The following PDK1 variants were observed in gnomAD, a reference collection of about 807,000 sequenced individuals.
The protein encoded by PDK1 is [Pyruvate dehydrogenase (acetyl-transferring)] kinase isozyme 1, mitochondrial.
In PDK1, 39 loss-of-function variants were observed where a neutral mutation model predicts 54.2. The observed-to-expected ratio is 0.72, with a 90% CI of 0.56 to 0.94. The LOEUF (loss-of-function observed/expected upper bound fraction) is 0.94. PDK1 is among the 40% of genes least tolerant of loss of function. The pLI is 0.00. For synonymous variants in PDK1, 221 were observed against 207.1 expected, an observed-to-expected ratio of 1.07 and a Z score of -0.58; for missense variants, 552 against 566.0, an observed-to-expected ratio of 0.98 and a Z score of 0.25.
chr2:172,619,110 G>C, the PDK1 span, among the ~76,000 whole-genome samples: 2 of 152,096 alleles, frequency 1.3e-5, no homozygotes, highest in African/African-American at 4.8e-5. Flanking sequence ...TTCACCACTT[G>C]TATGCTACCC....
At chr2:172,680,211 T>A in the PDK1 span, among the ~76,000 whole-genome samples, 1 of 152,346 alleles carries the variant, frequency 6.6e-6, no homozygotes, top group East Asian at 1.9e-4. Flanking sequence ...TGCCAGAATT[T>A]TTCCTGAATT....
At chr2:172,667,624 A>G in the PDK1 span, among the ~76,000 whole-genome samples, 1 of 152,208 alleles carries the variant, frequency 6.6e-6, no homozygotes, top group Non-Finnish European at 1.5e-5. Flanking sequence ...CGCAAATATT[A>G]CTGCAATGAC....
At chr2:172,621,676 T>A in the PDK1 span, among the ~76,000 whole-genome samples, 1 of 148,040 alleles carries the variant, frequency 6.8e-6, no homozygotes, top group African/African-American at 2.5e-5. Context: ...TGATATATGT[T>A]TATGTTTATA....
intron 10 of PDK1, among the ~76,000 whole-genome samples, chr2:172,594,037 C>CT (rs35036603): frequency 0.16 from 21,981 of 134,686 alleles, 1,927 homozygotes; most frequent in African/African-American, 0.2. Flanking sequence ...CAATGTTTTT[C>CT]TTTTTTTTTT....
chr2:172,692,268 G>T, the PDK1 span, among the ~76,000 whole-genome samples: 2 of 152,054 alleles, frequency 1.3e-5, no homozygotes, highest in African/African-American at 2.4e-5. Flanking sequence ...TATGTATTTT[G>T]GTATTGATGA....
chr2:172,701,330 T>C, the PDK1 span, among the ~76,000 whole-genome samples: 1 of 148,390 alleles, frequency 6.7e-6, no homozygotes, highest in African/African-American at 2.5e-5. Context: ...AAAACAACAA[T>C]AAGCTGAGCT....
chr2:172,705,200 G>C, the PDK1 span, among the ~76,000 whole-genome samples: 1 of 152,170 alleles, frequency 6.6e-6, no homozygotes, highest in Non-Finnish European at 1.5e-5. Flanking sequence ...TTTAATGCAA[G>C]TCTAACTGTA....
At chr2:172,583,450 C>T (rs1690034096) in intron 8 of PDK1, among the ~76,000 whole-genome samples, 3 of 151,708 alleles carry the variant, frequency 2.0e-5, no homozygotes, top group South Asian at 2.1e-4. Flanking sequence ...TGCACCATGA[C>T]GCCTGACTAA....
At chr2:172,679,117 C>T in the PDK1 span, 1 of 152,274 alleles carries the variant, frequency 6.6e-6, no homozygotes, top group African/African-American at 2.4e-5. Flanking sequence ...ACTTGATGCT[C>T]ATTAGTTTGA....
intron 8 of PDK1, among the ~76,000 whole-genome samples, chr2:172,579,197 A>C (rs1022483941): frequency 2.0e-5 from 3 of 152,044 alleles, no homozygotes; most frequent in Non-Finnish European, 4.4e-5. Flanking sequence ...GCAGCCCTCA[A>C]ATTAATCAGT....
At chr2:172,635,774 C>T in the PDK1 span, among the ~76,000 whole-genome samples, 1 of 152,216 alleles carries the variant, frequency 6.6e-6, no homozygotes, top group East Asian at 1.9e-4. Flanking sequence ...GCCAACTGCT[C>T]TCTTTAACCT....
At chr2:172,562,101 A>G (rs1280277046) in intron 2 of PDK1, 119 bp from the exon 3 acceptor site, 2 of 596,116 alleles carry the variant, frequency 3.4e-6, no homozygotes, top group Admixed American at 2.9e-5. Flanking sequence ...ACCATAATTT[A>G]TAGCAGTATT....
At chr2:172,614,446 G>A in the PDK1 span, among the ~76,000 whole-genome samples, 1 of 152,226 alleles carries the variant, frequency 6.6e-6, no homozygotes, top group East Asian at 1.9e-4. Context: ...CAGGGCAGAG[G>A]ATGACGGGAT....
the PDK1 span, among the ~76,000 whole-genome samples, chr2:172,659,730 C>A: frequency 0.62 from 93,710 of 152,068 alleles, 30,637 homozygotes; most frequent in Non-Finnish European, 0.74. Context: ...CTATTAGTTT[C>A]AAACAGGGCA....
the PDK1 span, among the ~76,000 whole-genome samples, chr2:172,663,925 T>A: frequency 3.0e-3 from 452 of 150,640 alleles, 12 homozygotes; most frequent in Admixed American, 0.028. Context: ...TTCAGCCTCC[T>A]AAATAGCTGG....
At chr2:172,561,190 G>C (rs1160201001) in intron 2 of PDK1, among the ~76,000 whole-genome samples, 1 of 152,200 alleles carries the variant, frequency 6.6e-6, no homozygotes, top group African/African-American at 2.4e-5. Context: ...ATTAGAAGTA[G>C]AATATGCTGC....
intron 8 of PDK1, among the ~76,000 whole-genome samples, chr2:172,577,572 C>T (rs949065295): frequency 4.6e-5 from 7 of 151,846 alleles, no homozygotes; most frequent in Non-Finnish European, 7.4e-5. Flanking sequence ...ATTTTAATTT[C>T]GTTCTTGTTT....
the PDK1 span, among the ~76,000 whole-genome samples, chr2:172,663,841 A>C: frequency 6.6e-6 from 1 of 152,096 alleles, no homozygotes; most frequent in African/African-American, 2.4e-5. Flanking sequence ...TGTGAACCTA[A>C]ATCTTCGTGG....
At chr2:172,638,246 TATC>T in the PDK1 span, among the ~76,000 whole-genome samples, 478 of 152,286 alleles carry the variant, frequency 3.1e-3, 4 homozygotes, top group African/African-American at 0.011. Flanking sequence ...GACATTTTAT[TATC>T]ATGAATGAAG....
Sources: gnomAD v4.1 joint callset for allele counts (sites outside exome capture counted in the v4.1 genomes callset) on GRCh38, gnomAD v4.1.1 for gene constraint, MANE v1.5 for transcripts, NCBI Gene and HGNC (gene_info 2026-07-23, HGNC 2026-07-21) for gene names.